NR2C2: variants seen among roughly 807,000 people sequenced by gnomAD.
The protein encoded by NR2C2 is nuclear receptor subfamily 2 group C member 2, also known as Nuclear hormone receptor TR4.
Under a neutral mutation model 62.9 loss-of-function variants are expected in NR2C2, and 6 were observed. The ratio of observed to expected loss-of-function variants is 0.10; its 90% CI spans 0.05 to 0.19. The LOEUF is 0.19. NR2C2 is among the 10% of genes least tolerant of loss of function. The pLI, the probability that NR2C2 is intolerant of heterozygous loss-of-function variation, is 1.00. For synonymous variants in NR2C2, 272 were observed against 273.8 expected (o/e 0.99, Z 0.07); for missense variants, 479 against 762.7 (o/e 0.63, Z 4.38).
At chr3:14,989,924 C>CA (rs34980642) in intron 1 of NR2C2, among the ~76,000 whole-genome samples, 3,047 of 50,842 alleles carry the variant, frequency 0.06, 185 homozygotes, top group Non-Finnish European at 0.073. Flanking sequence ...GACTCCATCT[C>CA]AAAAAAAAAA....
At chr3:15,021,983 G>A (rs144524053) in intron 5 of NR2C2, among the ~76,000 whole-genome samples, 3 of 152,290 alleles carry the variant, frequency 2.0e-5, no homozygotes, top group Non-Finnish European at 4.4e-5. Flanking sequence ...ACTTGGTGTG[G>A]GACTGGCCCA....
rs144339971 is a variant in NR2C2 at position 15,028,442 on chromosome 3, A to G, written c.799-144A>G. On this transcript the variant is annotated intron_variant, in intron 7 of 13. Coordinates refer to ENST00000425241, the MANE Select transcript of NR2C2 (RefSeq NM_001291694.2). Reference sequence around the variant, plus strand: ...AAGATACAGAACTGTTAAATCACTAAAAAGATCTTCCTCGTGTTGCCCCTT... The same window carrying G: ...AAGATACAGAACTGTTAAATCACTAGAAAGATCTTCCTCGTGTTGCCCCTT... 2.8e-5 allele frequency: 19 copies of G among 667,898 alleles called. No individual in the cohort carries two copies. In the African/African-American group the frequency reaches 3.3e-4, roughly 11 times the overall value. The allele number at this position is 667,898 out of a possible 1,614,324, so 41.4% of individuals were successfully genotyped here. A position where few individuals can be genotyped will look rare whatever the true frequency, so the allele number is the denominator to read the frequency against.
chr3:15,035,362 C>A (rs1172605544), intron 11 of NR2C2, among the ~76,000 whole-genome samples: 2 of 152,106 alleles, frequency 1.3e-5, no homozygotes, highest in Non-Finnish European at 2.9e-5. Context: ...CCTCTTCATA[C>A]GATTAATATG....
chr3:14,962,212 T>C (rs1025117065), intron 1 of NR2C2, among the ~76,000 whole-genome samples: 2 of 152,218 alleles, frequency 1.3e-5, no homozygotes, highest in African/African-American at 4.8e-5. Context: ...TTGAAATGTT[T>C]CTACAAATTA....
intron 5 of NR2C2, among the ~76,000 whole-genome samples, chr3:15,022,808 T>C (rs993224700): frequency 6.6e-6 from 1 of 152,220 alleles, no homozygotes; most frequent in Non-Finnish European, 1.5e-5. Flanking sequence ...AGTGGTTTGC[T>C]TGAGCCCAGG....
chr3:14,992,112 AGT>A (rs1326270128), intron 1 of NR2C2, among the ~76,000 whole-genome samples: 1 of 152,122 alleles, frequency 6.6e-6, no homozygotes. Flanking sequence ...TTTTTCAGCA[AGT>A]GATTCCATGT....
At position 15,045,176 on chromosome 3, in the gene NR2C2, A is replaced by T. The variant is rs2042406501; in HGVS notation, c.*2168A>T. 1 of 152,294 alleles carries T rather than the reference A, an allele frequency of 6.6e-6. No homozygotes were observed. The highest frequency in any genetic ancestry group is 2.1e-4 in the South Asian group (1 of 4,818). The allele number at this position is 152,294 out of a possible 1,614,324, so 9.4% of individuals were successfully genotyped here. ...CCTGCAGCTCAGTGGTGCCTCTAACACAGATTGTTGCCTGCCTTCCGTCGT... is the reference window on the plus strand; with the variant it reads ...CCTGCAGCTCAGTGGTGCCTCTAACTCAGATTGTTGCCTGCCTTCCGTCGT... On this transcript the variant is annotated 3_prime_UTR_variant, in exon 14 of 14. Coordinates refer to ENST00000425241, the MANE Select transcript of NR2C2 (RefSeq NM_001291694.2).
chr3:14,985,407 T>C (rs2040487667), intron 1 of NR2C2, among the ~76,000 whole-genome samples: 1 of 152,176 alleles, frequency 6.6e-6, no homozygotes, highest in Non-Finnish European at 1.5e-5. Context: ...GCTCTAGGTT[T>C]TACATCTGTG....
intron 1 of NR2C2, among the ~76,000 whole-genome samples, chr3:14,953,736 A>G (rs938954566): frequency 5.3e-5 from 8 of 152,072 alleles, no homozygotes; most frequent in Non-Finnish European, 1.0e-4. Flanking sequence ...TCTACTAACA[A>G]TACAAAAAAT....
intron 1 of NR2C2, among the ~76,000 whole-genome samples, chr3:14,986,256 A>T (rs977295113): frequency 3.3e-5 from 5 of 152,200 alleles, no homozygotes; most frequent in African/African-American, 1.2e-4. Flanking sequence ...TTATGAAATA[A>T]TGTGTATTTC....
rs556573499 is a variant in NR2C2, at chr3:14,977,490, A to G, written c.-39-26386A>G. 5.3e-5 allele frequency among the ~76,000 whole-genome samples: 8 copies of G among 151,930 alleles called. No individual in the cohort carries two copies. In the South Asian group the frequency reaches 1.5e-3, roughly 28 times the overall value. Reference sequence around the variant, plus strand: ...CTATTTTTATAGCAACTTTTTCTTCATGGGTACAGTAGCTTGTTGTAATTC... The same window carrying G: ...CTATTTTTATAGCAACTTTTTCTTCGTGGGTACAGTAGCTTGTTGTAATTC... On this transcript the variant is annotated intron_variant, in intron 1 of 13. Coordinates refer to ENST00000425241, the MANE Select transcript of NR2C2 (RefSeq NM_001291694.2).
chr3:15,029,613 A>G (rs1003172664), intron 8 of NR2C2, among the ~76,000 whole-genome samples: 3 of 152,288 alleles, frequency 2.0e-5, no homozygotes, highest in Admixed American at 1.3e-4. Context: ...CAGCATTCAC[A>G]TCTGTAAAAT....
intron 3 of NR2C2, among the ~76,000 whole-genome samples, chr3:15,014,648 C>T (rs1205746716): frequency 6.6e-6 from 1 of 152,070 alleles, no homozygotes; most frequent in Non-Finnish European, 1.5e-5. Flanking sequence ...TAGTAACTCT[C>T]CTCTCCCCCT....
intron 5 of NR2C2, among the ~76,000 whole-genome samples, chr3:15,022,534 T>C (rs1162443113): frequency 6.6e-6 from 1 of 151,704 alleles, no homozygotes; most frequent in African/African-American, 2.4e-5. Context: ...GCCTCCCAAG[T>C]AGCTGGGATT....
rs945013159 is a variant in NR2C2, at chr3:14,973,598, C to G, written c.-40+25692C>G. On this transcript the variant is annotated intron_variant, in intron 1 of 13. Transcript: ENST00000425241. ...AATTTTAGAGTTTAGGTCTATGATC[C>G]AGTTATACGGTATTGTATAAGGAGT... Among the ~76,000 whole-genome samples the G allele has an allele frequency of 3.3e-5, 5 of 149,722 alleles. No individual in the cohort carries two copies. The East Asian group carries it at 1.0e-3, about 30-fold the overall frequency.
At position 15,043,240 on chromosome 3, in the gene NR2C2, A is replaced by G. The variant is rs1264522804; in HGVS notation, c.*232A>G. The G allele has an allele frequency of 1.4e-5, 5 of 358,088 alleles. No homozygotes were observed. Among genetic ancestry groups the G allele is most frequent in the Non-Finnish European group, 2.0e-5 (4 of 201,842 alleles). 22.2% of individuals were successfully genotyped at this position (358,088 alleles called of 1,614,324 possible). ...TGATGAAGCAGCAGATTTTGGAACA[A>G]TCTTTTAACTCAATTTGTATTTAGA... On this transcript the variant is annotated 3_prime_UTR_variant, in exon 14 of 14. Coordinates refer to ENST00000425241, the MANE Select transcript of NR2C2 (RefSeq NM_001291694.2).
chr3:14,995,361 C>T (rs1004304786), intron 1 of NR2C2, among the ~76,000 whole-genome samples: 1 of 151,152 alleles, frequency 6.6e-6, no homozygotes, highest in East Asian at 1.9e-4. Flanking sequence ...AGCTCTCACC[C>T]CCCAGCCCTA....
chr3:15,015,949 C>T lies in NR2C2; in HGVS notation c.274-203C>T, dbSNP rs541771045. Among the ~76,000 whole-genome samples the T allele has an allele frequency of 1.8e-4, 28 of 152,180 alleles. 1 individual carries two copies. The South Asian group carries it at 5.8e-3, about 32-fold the overall frequency. On this transcript the variant is annotated intron_variant, in intron 3 of 13. Transcript: ENST00000425241. ...CCAGAGTAGCTGGGGATTACAGGCA[C>T]CCACCACCACATTTGACTAATTTTG...
intron 10 of NR2C2, 157 bp from the exon 11 acceptor site, chr3:15,034,513 T>G (rs2042056559): frequency 1.6e-6 from 1 of 623,620 alleles, no homozygotes; most frequent in African/African-American, 1.8e-5. Context: ...ATTCATAGAC[T>G]TCATCCTTTT....
Sources: gnomAD v4.1 joint callset for allele counts (sites outside exome capture counted in the v4.1 genomes callset) on GRCh38, gnomAD v4.1.1 for gene constraint, MANE v1.5 for transcripts, NCBI Gene and HGNC (gene_info 2026-07-23, HGNC 2026-07-21) for gene names.